Variants in CELF2 observed in about 807,000 individuals in gnomAD.
The protein encoded by CELF2 is CUG triplet repeat RNA-binding protein 2.
Under a neutral mutation model 62.6 loss-of-function variants are expected in CELF2, and 8 were observed. The ratio of observed to expected loss-of-function variants is 0.13; its 90% CI spans 0.07 to 0.23. The LOEUF (loss-of-function observed/expected upper bound fraction) is 0.23, where lower values mean the gene tolerates loss of function less well. CELF2 is among the 10% of genes least tolerant of loss of function. The pLI is 1.00. For synonymous variants in CELF2, 258 were observed against 250.0 expected (o/e 1.03, Z -0.30); for missense variants, 333 against 671.0 (o/e 0.50, Z 5.56).
intron 3 of CELF2, among the ~76,000 whole-genome samples, chr10:11,222,073 A>G (rs2065033242): frequency 1.3e-5 from 2 of 152,202 alleles, no homozygotes; most frequent in South Asian, 2.1e-4. Flanking sequence ...CAGTGTGGGT[A>G]GGCACCTTCC....
intron 2 of CELF2, among the ~76,000 whole-genome samples, chr10:11,170,320 A>T (rs614614): frequency 0.54 from 81,971 of 152,046 alleles, 23,630 homozygotes; most frequent in East Asian, 0.84. Flanking sequence ...CTGCCCTCAG[A>T]CTTCTCAGTA....
At chr10:10,479,844 G>A in the CELF2 span, among the ~76,000 whole-genome samples, 7 of 152,190 alleles carry the variant, frequency 4.6e-5, no homozygotes, top group Non-Finnish European at 8.8e-5. Flanking sequence ...CTTAATAAAT[G>A]GGAATTACTA....
intron 3 of CELF2, among the ~76,000 whole-genome samples, chr10:11,226,850 C>G (rs2066808800): frequency 6.6e-6 from 1 of 152,222 alleles, no homozygotes; most frequent in African/African-American, 2.4e-5. Flanking sequence ...GTAAGAGGTA[C>G]TGCTTTGCGA....
chr10:11,050,735 A>C (rs2063766806), intron 1 of CELF2, among the ~76,000 whole-genome samples: 1 of 151,564 alleles, frequency 6.6e-6, no homozygotes. Flanking sequence ...AATCCCTTCC[A>C]CCCTGCATTG....
chr10:11,301,229 TAGA>T (rs1451887346), intron 9 of CELF2, among the ~76,000 whole-genome samples: 1 of 152,090 alleles, frequency 6.6e-6, no homozygotes, highest in Non-Finnish European at 1.5e-5. Context: ...CTGGAATCTT[TAGA>T]AGGATGGAGG....
At chr10:10,661,995 C>T in the CELF2 span, among the ~76,000 whole-genome samples, 1 of 152,072 alleles carries the variant, frequency 6.6e-6, no homozygotes. Flanking sequence ...TAGAAGTAGC[C>T]TCCCAGGTAC....
the CELF2 span, among the ~76,000 whole-genome samples, chr10:10,479,317 C>T: frequency 6.6e-6 from 1 of 152,044 alleles, no homozygotes; most frequent in Non-Finnish European, 1.5e-5. Context: ...TACAGCCATA[C>T]ACCACCGTGC....
At chr10:10,465,667 C>G in the CELF2 span, among the ~76,000 whole-genome samples, 3 of 152,254 alleles carry the variant, frequency 2.0e-5, no homozygotes, top group South Asian at 6.2e-4. Context: ...TCATAATCTA[C>G]TTAGTCCTCT....
chr10:10,822,946 A>C (rs1240641916), intron 1 of CELF2, among the ~76,000 whole-genome samples: 2 of 152,224 alleles, frequency 1.3e-5, no homozygotes, highest in Non-Finnish European at 2.9e-5. Flanking sequence ...TAAAATTTTC[A>C]TTTGTGAGGC....
intron 1 of CELF2, among the ~76,000 whole-genome samples, chr10:11,033,970 T>C (rs2139056503): frequency 6.6e-6 from 1 of 152,340 alleles, no homozygotes; most frequent in South Asian, 2.1e-4. Flanking sequence ...AAGTCTGAAA[T>C]GTCTGCCAGT....
intron 1 of CELF2, among the ~76,000 whole-genome samples, chr10:10,829,352 G>A (rs368759096): frequency 1.2e-4 from 18 of 152,240 alleles, no homozygotes; most frequent in South Asian, 4.1e-4. Flanking sequence ...TCCATAATCC[G>A]GGAGTTAGGA....
intron 1 of CELF2, among the ~76,000 whole-genome samples, chr10:11,154,748 G>C (rs1408754196): frequency 6.6e-6 from 1 of 152,156 alleles, no homozygotes; most frequent in Non-Finnish European, 1.5e-5. Context: ...GCGCTGAAGA[G>C]AAAGAACTAA....
intron 2 of CELF2, among the ~76,000 whole-genome samples, chr10:10,998,013 G>GT (rs533428721): frequency 5.2e-4 from 79 of 152,284 alleles, no homozygotes; most frequent in African/African-American, 1.9e-3. Flanking sequence ...AGATCTGATG[G>GT]TTTTATAAAG....
At chr10:11,249,934 G>A (rs1052987079) in intron 4 of CELF2, among the ~76,000 whole-genome samples, 11 of 152,266 alleles carry the variant, frequency 7.2e-5, no homozygotes, top group African/African-American at 1.2e-4. Flanking sequence ...TCCTAGACTG[G>A]AGAGCTGCTC....
chr10:10,888,750 C>G (rs1160078708), intron 1 of CELF2, among the ~76,000 whole-genome samples: 1 of 152,210 alleles, frequency 6.6e-6, no homozygotes, highest in Admixed American at 6.5e-5. Context: ...GCTTGCCCTT[C>G]AAGACCCAGA....
At chr10:10,956,591 T>A (rs994224084) in intron 2 of CELF2, among the ~76,000 whole-genome samples, 5 of 152,122 alleles carry the variant, frequency 3.3e-5, no homozygotes, top group African/African-American at 1.2e-4. Flanking sequence ...AGACAGGTCT[T>A]TGAGGTGATT....
At chr10:10,560,567 G>T in the CELF2 span, among the ~76,000 whole-genome samples, 2 of 152,120 alleles carry the variant, frequency 1.3e-5, no homozygotes, top group African/African-American at 4.8e-5. Flanking sequence ...TACACTGCTG[G>T]TGTGAATGCA....
At chr10:10,963,179 G>A (rs1378682700) in intron 2 of CELF2, among the ~76,000 whole-genome samples, 1 of 151,782 alleles carries the variant, frequency 6.6e-6, no homozygotes, top group Non-Finnish European at 1.5e-5. Flanking sequence ...TCAGCCTCCC[G>A]AGTAGCTGGG....
intron 2 of CELF2, among the ~76,000 whole-genome samples, chr10:10,949,668 G>T (rs1454868450): frequency 6.6e-6 from 1 of 151,684 alleles, no homozygotes; most frequent in Non-Finnish European, 1.5e-5. Flanking sequence ...AGGCTTGGTG[G>T]CAGGCACCTG....
Sources: allele counts gnomAD v4.1 joint callset (sites outside exome capture counted in the v4.1 genomes callset), GRCh38; gene constraint gnomAD v4.1.1; transcripts MANE v1.5; gene names NCBI Gene and HGNC (gene_info 2026-07-23, HGNC 2026-07-21).